RPF2: variants seen among roughly 807,000 people sequenced by gnomAD.
RPF2 encodes the protein ribosome production factor 2 homolog, also known as brix domain containing 1.
In RPF2, 21 loss-of-function variants were observed where a neutral mutation model predicts 38.9. The ratio of observed to expected loss-of-function variants is 0.54; its 90% CI spans 0.38 to 0.78. The LOEUF is 0.78. RPF2 is among the 30% of genes least tolerant of loss of function. The probability of loss-of-function intolerance (pLI) is 0.00; values close to 1 mark genes in which losing one functional copy is unlikely to be tolerated. For missense variants in RPF2, 314 were observed against 358.1 expected (o/e 0.88, Z 0.99); for synonymous variants, 121 against 126.2 (o/e 0.96, Z 0.28).
chr6:110,997,248 AAAT>A lies in RPF2; in HGVS notation c.304_306del (p.Asn102del). 1 of 1,590,788 alleles carries A rather than the reference AAAT, an allele frequency of 6.3e-7. No individual in the cohort carries two copies. The highest frequency in any genetic ancestry group is 1.1e-5 in the South Asian group (1 of 90,202). ...TTGGCTCCCATAATAAGAAGCGGCC[AAAT>A]AATCTAGTAATAGGTAAGTATAATT... is the stretch of plus-strand genomic sequence containing the variant. On this transcript the variant is annotated inframe_deletion, in exon 5 of 10. Coordinates refer to ENST00000441448, the MANE Select transcript of RPF2 (RefSeq NM_032194.3).
At chr6:111,011,949 G>A (rs1193842858) in intron 7 of RPF2, among the ~76,000 whole-genome samples, 1 of 152,098 alleles carries the variant, frequency 6.6e-6, no homozygotes, top group Non-Finnish European at 1.5e-5. Flanking sequence ...GGCACCAAGG[G>A]AAGTTGAGTT....
intron 7 of RPF2, among the ~76,000 whole-genome samples, chr6:111,009,852 T>C (rs1771982277): frequency 6.6e-6 from 1 of 151,968 alleles, no homozygotes; most frequent in Non-Finnish European, 1.5e-5. Context: ...TTTTAAAATT[T>C]TTTGTAAGAT....
chr6:111,024,198 A>G lies in RPF2; in HGVS notation c.612A>G (p.Lys204=). 1.3e-6 allele frequency: 2 copies of G among 1,596,544 alleles called. No individual in the cohort carries two copies. Among genetic ancestry groups the G allele is most frequent in the Non-Finnish European group, 1.7e-6 (2 of 1,175,756 alleles). Reference sequence around the variant, plus strand: ...TTTCCTAAAGGTTGCTGTTGAAGAAATCTGGTTGCAGAACACCACGGATTG... The same window carrying G: ...TTTCCTAAAGGTTGCTGTTGAAGAAGTCTGGTTGCAGAACACCACGGATTG... ...YFRSYKLLLK[K]SGCRTPRIEL... is the part of the protein sequence containing the mutation. The change falls in exon 9 of 10, where the codon AAA becomes AAG. Residue 204 remains lysine, a synonymous_variant. Transcript: ENST00000441448.
At chr6:110,995,262 G>A (rs1470389476) in intron 4 of RPF2, among the ~76,000 whole-genome samples, 1 of 152,130 alleles carries the variant, frequency 6.6e-6, no homozygotes, top group Non-Finnish European at 1.5e-5. Context: ...CTTTGTACAA[G>A]GTGTGTTCAC....
chr6:111,012,866 C>CTTA (rs1772044190), intron 7 of RPF2, among the ~76,000 whole-genome samples: 1 of 151,988 alleles, frequency 6.6e-6, no homozygotes, highest in African/African-American at 2.4e-5. Context: ...GACAGAGTTT[C>CTTA]GCCATGTTCG....
intron 1 of RPF2, among the ~76,000 whole-genome samples, chr6:110,983,801 G>A (rs1437246579): frequency 6.7e-6 from 1 of 150,294 alleles, no homozygotes. Flanking sequence ...TGAGGCGGGG[G>A]GGTGGGTCAC....
At chr6:111,003,966 C>G (rs1015049675) in intron 6 of RPF2, among the ~76,000 whole-genome samples, 12 of 151,686 alleles carry the variant, frequency 7.9e-5, no homozygotes, top group African/African-American at 2.9e-4. Context: ...GTGTGCGCCA[C>G]CACACCCAGC....
At chr6:111,018,939 G>A (rs1343818376) in intron 8 of RPF2, among the ~76,000 whole-genome samples, 1 of 152,170 alleles carries the variant, frequency 6.6e-6, no homozygotes, top group Non-Finnish European at 1.5e-5. Flanking sequence ...ACTCAGGACG[G>A]ACATGGTGGC....
At chr6:111,007,288 G>A (rs576450136) in intron 6 of RPF2, among the ~76,000 whole-genome samples, 2 of 152,174 alleles carry the variant, frequency 1.3e-5, no homozygotes, top group Non-Finnish European at 2.9e-5. Flanking sequence ...CCTTTTGCAA[G>A]AGTAACTTTT....
At chr6:111,009,572 C>T (rs59527546) in intron 7 of RPF2, among the ~76,000 whole-genome samples, 2 of 152,208 alleles carry the variant, frequency 1.3e-5, no homozygotes, top group Non-Finnish European at 2.9e-5. Flanking sequence ...CTGCTTCATT[C>T]TAACAAGAAC....
intron 2 of RPF2, among the ~76,000 whole-genome samples, chr6:110,987,101 G>A (rs777810971): frequency 5.9e-5 from 9 of 151,922 alleles, no homozygotes; most frequent in Non-Finnish European, 7.4e-5. Flanking sequence ...GGAGTCTCAC[G>A]CTGTTGCCCA....
At chr6:110,984,853 A>C (rs201492839) in intron 1 of RPF2, among the ~76,000 whole-genome samples, 153 bp from the exon 2 acceptor site, 1,484 of 123,444 alleles carry the variant, frequency 0.012, 14 homozygotes, top group Non-Finnish European at 0.018. Context: ...AACAAACAAA[A>C]AAAAACAAAC....
rs1772312884 is a variant in RPF2 at position 111,025,584 on chromosome 6, G to A, written c.*2G>A. ...TCAAAAAGAATTAAAAAAAATTGATGGAACTTAGCCAGCCACTACTGTTTC... is the reference window on the plus strand; with the variant it reads ...TCAAAAAGAATTAAAAAAAATTGATAGAACTTAGCCAGCCACTACTGTTTC... On this transcript the variant is annotated 3_prime_UTR_variant, in exon 10 of 10. Transcript: ENST00000441448. The A allele has an allele frequency of 3.7e-6, 6 of 1,601,334 alleles. No individual in the cohort carries two copies. The African/African-American group carries it at 4.1e-5, about 11-fold the overall frequency.
chr6:111,008,978 C>T (rs905179974), intron 7 of RPF2, among the ~76,000 whole-genome samples: 8 of 147,914 alleles, frequency 5.4e-5, no homozygotes, highest in African/African-American at 1.8e-4. Flanking sequence ...CGGCCCACTG[C>T]AACCTCCACC....
chr6:110,985,677 C>T (rs1458504421), intron 2 of RPF2, among the ~76,000 whole-genome samples: 2 of 152,030 alleles, frequency 1.3e-5, no homozygotes, highest in African/African-American at 4.8e-5. Flanking sequence ...CGGTGGTTCA[C>T]GCCTGTAATC....
At chr6:110,989,588 T>A (rs1583258847) in intron 3 of RPF2, among the ~76,000 whole-genome samples, 1 of 151,450 alleles carries the variant, frequency 6.6e-6, no homozygotes, top group East Asian at 1.9e-4. Flanking sequence ...TAGCTAGGAT[T>A]ATAGGCACGT....
At chr6:110,996,814 T>A (rs757838344) in intron 4 of RPF2, among the ~76,000 whole-genome samples, 3 of 152,162 alleles carry the variant, frequency 2.0e-5, no homozygotes, top group Non-Finnish European at 2.9e-5. Flanking sequence ...TTTGTTTTGT[T>A]TTTTTTAGAC....
intron 3 of RPF2, among the ~76,000 whole-genome samples, chr6:110,990,087 C>T (rs899175894): frequency 2.0e-5 from 3 of 151,422 alleles, no homozygotes; most frequent in East Asian, 2.0e-4. Flanking sequence ...TACGGGCATG[C>T]GCCACCACGC....
intron 2 of RPF2, among the ~76,000 whole-genome samples, chr6:110,985,438 T>C (rs1228318457): frequency 6.6e-6 from 1 of 152,160 alleles, no homozygotes; most frequent in Non-Finnish European, 1.5e-5. Flanking sequence ...CTTACTTACA[T>C]TTTAGGAAAA....
Sources: allele counts gnomAD v4.1 joint callset (sites outside exome capture counted in the v4.1 genomes callset), GRCh38; gene constraint gnomAD v4.1.1; transcripts MANE v1.5; gene names NCBI Gene and HGNC (gene_info 2026-07-23, HGNC 2026-07-21).